Variants in LGSN observed in about 807,000 individuals in gnomAD.
LGSN encodes the protein lengsin, lens protein with glutamine synthetase domain, also known as lengsin.
LGSN carries 21 observed loss-of-function variants against 19.5 expected under a neutral mutation model. That is an observed-to-expected ratio of 1.07 (90% CI 0.76 to 1.55). The LOEUF is 1.55. Among genes scored for constraint, LGSN ranks in the 40% most tolerant of loss-of-function variants. LGSN has a pLI of 0.00. For missense variants in LGSN, 673 were observed against 608.5 expected, an observed-to-expected ratio of 1.11 and a Z score of -1.12; for synonymous variants, 257 against 215.6, an observed-to-expected ratio of 1.19 and a Z score of -1.68.
chr6:63,328,374 C>T, the LGSN span, among the ~76,000 whole-genome samples: 230 of 152,264 alleles, frequency 1.5e-3, no homozygotes, highest in Non-Finnish European at 2.4e-3. Flanking sequence ...TTGAGGGCCA[C>T]GCACATGCAT....
chr6:63,430,708 A>T, the LGSN span, among the ~76,000 whole-genome samples: 1 of 152,138 alleles, frequency 6.6e-6, no homozygotes, highest in African/African-American at 2.4e-5. Context: ...TAAATTTATC[A>T]TCGGAGTGAA....
At chr6:63,472,981 A>T in the LGSN span, among the ~76,000 whole-genome samples, 12 of 150,798 alleles carry the variant, frequency 8.0e-5, no homozygotes, top group Admixed American at 4.6e-4. Flanking sequence ...AAATAAATAA[A>T]TTTTTTTTTG....
In LGSN at chr6:63,280,654, A is replaced by G. The variant is rs371680919; in HGVS notation, c.897T>C (p.Ile299=). The stretch of plus-strand genomic sequence containing the variant: ...ATCCAGTCTCAATGAAGAAGCTGGC[A>G]ATGTAATTATATTTCCTTGCCACTT... The part of the protein sequence containing the change: ...VKEVARKYNY[I]ASFFIETGFC... The change falls in exon 4 of 4, where the codon ATT becomes ATC. Residue 299 remains isoleucine, a synonymous_variant. Transcript: ENST00000370657. 54 of 1,614,008 alleles carry G rather than the reference A, an allele frequency of 3.3e-5. No individual in the cohort carries two copies. Among genetic ancestry groups the G allele is most frequent in the Non-Finnish European group, 4.4e-5 (52 of 1,180,042 alleles).
At chr6:63,510,982 G>A in the LGSN span, among the ~76,000 whole-genome samples, 2 of 151,426 alleles carry the variant, frequency 1.3e-5, no homozygotes, top group African/African-American at 2.4e-5. Context: ...GTCAAGATGC[G>A]AATTATTTAG....
At position 63,285,652 on chromosome 6, in the gene LGSN, G is replaced by A. The variant is rs556886901; in HGVS notation, c.265C>T (p.Arg89Ter). 29 of 1,613,890 alleles carry A rather than the reference G, an allele frequency of 1.8e-5. No homozygotes were observed. The highest frequency in any genetic ancestry group is 1.3e-4 in the Admixed American group (8 of 60,006). The change falls in exon 3 of 4, where the codon CGA (arginine) becomes TGA (stop). Residue 89 changes from arginine (R) to a stop codon, truncating the protein, a stop_gained. Transcript: ENST00000370657. LOFTEE classifies it high-confidence loss of function. ...AMAKNRLQFV[R>*]FEATDLHGVS... ...CCGTGGAGGTCTGTTGCTTCAAATC[G>A]TACAAACTGGAGGCGATTTTTGGCC...
intron 1 of LGSN, among the ~76,000 whole-genome samples, chr6:63,302,717 T>A (rs2127391552): frequency 6.6e-6 from 1 of 152,302 alleles, no homozygotes; most frequent in African/African-American, 2.4e-5. Flanking sequence ...TGCACCTAAA[T>A]TGAAGAAACG....
At chr6:63,366,161 A>G in the LGSN span, among the ~76,000 whole-genome samples, 19,817 of 152,188 alleles carry the variant, frequency 0.13, 2,853 homozygotes, top group African/African-American at 0.36. Context: ...CCCTGTTTGC[A>G]GGTGACATGA....
At position 63,301,451 on chromosome 6, in the gene LGSN, T is replaced by C. The variant is rs538322779; in HGVS notation, c.31-6406A>G. Among the ~76,000 whole-genome samples, 9 of 152,084 alleles carry C rather than the reference T, an allele frequency of 5.9e-5. No homozygotes were observed. In the East Asian group the frequency reaches 1.7e-3, roughly 29 times the overall value. Reference sequence around the variant, plus strand: ...AGGTTCTTTCAAAATGAAAAAATTATATAAATAAAATTAAATGGATATTCA... The same window carrying C: ...AGGTTCTTTCAAAATGAAAAAATTACATAAATAAAATTAAATGGATATTCA... On this transcript the variant is annotated intron_variant, in intron 1 of 3. Coordinates refer to ENST00000370657, the MANE Select transcript of LGSN (RefSeq NM_016571.3).
the LGSN span, among the ~76,000 whole-genome samples, chr6:63,516,208 A>G: frequency 6.6e-6 from 1 of 152,226 alleles, no homozygotes; most frequent in Non-Finnish European, 1.5e-5. Flanking sequence ...TACACCAGGC[A>G]ATTCTCTAAA....
chr6:63,412,036 T>A, the LGSN span, among the ~76,000 whole-genome samples: 1 of 152,114 alleles, frequency 6.6e-6, no homozygotes, highest in East Asian at 1.9e-4. Context: ...GAGAAAAACT[T>A]AAAATAGTGA....
chr6:63,297,354 CAAAAA>C (rs75453519), intron 1 of LGSN, among the ~76,000 whole-genome samples: 3 of 73,950 alleles, frequency 4.1e-5, no homozygotes, highest in African/African-American at 5.2e-5. Context: ...GCCTCGGTAT[CAAAAA>C]AAAAAAAAAA....
At chr6:63,491,460 C>T in the LGSN span, among the ~76,000 whole-genome samples, 69 of 152,044 alleles carry the variant, frequency 4.5e-4, 1 homozygote, top group African/African-American at 1.6e-3. Flanking sequence ...CAAAGGTGAT[C>T]GGTAAAATCC....
the LGSN span, among the ~76,000 whole-genome samples, chr6:63,424,641 A>T: frequency 6.6e-6 from 1 of 152,182 alleles, no homozygotes; most frequent in Non-Finnish European, 1.5e-5. Context: ...CACCAGTAAA[A>T]GCCAGGCACA....
At chr6:63,533,449 T>A in the LGSN span, among the ~76,000 whole-genome samples, 3 of 152,174 alleles carry the variant, frequency 2.0e-5, no homozygotes, top group Admixed American at 6.5e-5. Flanking sequence ...TTACACAGAA[T>A]AATTACATGA....
intron 3 of LGSN, among the ~76,000 whole-genome samples, chr6:63,282,142 G>A (rs1324804306): frequency 2.6e-5 from 4 of 152,148 alleles, no homozygotes; most frequent in South Asian, 2.1e-4. Flanking sequence ...AGGCAACAGG[G>A]AAGTGATAAG....
chr6:63,291,492 C>G (rs1767767180), intron 2 of LGSN, among the ~76,000 whole-genome samples: 1 of 152,118 alleles, frequency 6.6e-6, no homozygotes, highest in African/African-American at 2.4e-5. Flanking sequence ...ATCTCCTCTC[C>G]GACCGTCCCC....
chr6:63,282,984 C>T (rs961972787), intron 3 of LGSN, among the ~76,000 whole-genome samples: 8 of 152,124 alleles, frequency 5.3e-5, no homozygotes, highest in East Asian at 1.9e-4. Flanking sequence ...CATGAGACTT[C>T]TATGAATTCC....
chr6:63,530,652 G>T, the LGSN span, among the ~76,000 whole-genome samples: 40 of 152,156 alleles, frequency 2.6e-4, no homozygotes, highest in African/African-American at 9.6e-4. Context: ...AGATAAAATT[G>T]TATTAAACTA....
the LGSN span, among the ~76,000 whole-genome samples, chr6:63,329,338 G>A: frequency 1.6e-4 from 24 of 152,230 alleles, no homozygotes; most frequent in African/African-American, 3.4e-4. Flanking sequence ...TGTCCAGAAC[G>A]ATGAACCATT....
Sources: allele counts gnomAD v4.1 joint callset (sites outside exome capture counted in the v4.1 genomes callset), GRCh38; gene constraint gnomAD v4.1.1; transcripts MANE v1.5; gene names NCBI Gene and HGNC (gene_info 2026-07-23, HGNC 2026-07-21).